INO80: variants seen among roughly 807,000 people sequenced by gnomAD.
INO80 encodes the protein chromatin-remodeling ATPase INO80.
A neutral mutation model predicts 203.4 loss-of-function variants in INO80; 20 were observed. The observed-to-expected ratio is 0.10, with a 90% CI of 0.07 to 0.14. The LOEUF (loss-of-function observed/expected upper bound fraction) is 0.14, where lower values mean the gene tolerates loss of function less well. Ranked by LOEUF, INO80 falls within the 10% of genes least tolerant of loss-of-function variation. The probability of loss-of-function intolerance (pLI) is 1.00; values close to 1 mark genes in which losing one functional copy is unlikely to be tolerated. For synonymous variants in INO80, 726 were observed against 685.2 expected, an observed-to-expected ratio of 1.06 and a Z score of -0.93; for missense variants, 1,419 against 1,914.4, an observed-to-expected ratio of 0.74 and a Z score of 4.83.
intron 1 of INO80, among the ~76,000 whole-genome samples, chr15:41,106,679 T>C (rs1445267466): frequency 6.6e-6 from 1 of 152,198 alleles, no homozygotes; most frequent in Non-Finnish European, 1.5e-5. Flanking sequence ...TCCTAGGTGT[T>C]GTTTCTTTCA....
At chr15:41,044,851 G>A in intron 24 of INO80, 53 bp downstream of exon 24, 2 of 1,506,206 alleles carry the variant, frequency 1.3e-6, no homozygotes, top group South Asian at 2.7e-5. Flanking sequence ...ACTTATTCAA[G>A]GAAAAGGAAA....
chr15:41,083,536 T>C (rs1321555885), intron 7 of INO80, among the ~76,000 whole-genome samples: 2 of 151,494 alleles, frequency 1.3e-5, no homozygotes, highest in Admixed American at 6.6e-5. Flanking sequence ...CGAAACCTCG[T>C]CTCTTCCAAA....
rs924052158 is a variant in INO80 at position 41,016,136 on chromosome 15, A to G, written c.3354T>C (p.His1118=). ...VLLTRLKSQG[H]RVLIYSQMTR... ...TCATCTGGGAGTAGATAAGGACCCT[A>G]TGCCCTTGAGACTTGAGCCGAGTCA... The change falls in exon 27 of 36, where the codon CAT becomes CAC. Residue 1118 remains histidine, a synonymous_variant. Transcript: ENST00000648947. The G allele has an allele frequency of 1.2e-6, 2 of 1,613,190 alleles. No individual in the cohort carries two copies. The highest frequency in any genetic ancestry group is 2.2e-5 in the East Asian group (1 of 44,888).
At position 41,096,297 on chromosome 15, in the gene INO80, A is replaced by C; in HGVS notation, c.14T>G (p.Leu5Trp). The change falls in exon 2 of 36, where the codon TTG (leucine) becomes TGG (tryptophan). Residue 5 changes from leucine (L) to tryptophan (W), a missense_variant. Coordinates refer to ENST00000648947, the MANE Select transcript of INO80 (RefSeq NM_017553.3). MASE[L>W]GARDDGGCTE... ...GCAGCCTCCATCATCCCTGGCACCC[A>C]ACTCCGAGGCCATAGAACAAATCTG... 6.3e-7 allele frequency: 1 copy of C among 1,597,308 alleles called. No individual in the cohort carries two copies. The highest frequency in any genetic ancestry group is 8.5e-7 in the Non-Finnish European group (1 of 1,175,544).
chr15:41,080,861 T>A (rs947713135), intron 8 of INO80, among the ~76,000 whole-genome samples, 159 bp downstream of exon 8: 3 of 151,914 alleles, frequency 2.0e-5, no homozygotes, highest in Admixed American at 2.0e-4. Flanking sequence ...AAAATAAAAA[T>A]AAAAAATAAA....
intron 29 of INO80, 83 bp from the exon 30 acceptor site, chr15:40,988,057 C>T: frequency 9.2e-6 from 11 of 1,192,724 alleles, no homozygotes; most frequent in South Asian, 5.9e-5. Context: ...TGTCTGTTTG[C>T]GAGTTTGGCG....
At chr15:41,061,250 A>G (rs908851219) in intron 14 of INO80, among the ~76,000 whole-genome samples, 4 of 152,114 alleles carry the variant, frequency 2.6e-5, no homozygotes, top group Non-Finnish European at 4.4e-5. Context: ...CAGTGAGCCA[A>G]GATTGTGCCA....
rs79155864 is a variant in INO80 at position 41,087,627 on chromosome 15, T to C, written c.593A>G (p.Tyr198Cys). The change falls in exon 6 of 36, where the codon TAT (tyrosine) becomes TGT (cysteine). Residue 198 changes from tyrosine to cysteine, a missense_variant. Tyr to Cys is a radical substitution (Grantham distance 194, BLOSUM62 -2). This residue lies in a region of INO80 where 323 missense variants were observed against 325.4 expected (regional missense o/e 0.99). Coordinates refer to ENST00000648947, the MANE Select transcript of INO80 (RefSeq NM_017553.3). ...AGLLSTYDPFYEQQRHLLGPK... is the reference protein window; with the variant it reads ...AGLLSTYDPFCEQQRHLLGPK... ...TCCAAGTAGGTGCCGTTGTTGCTCA[T>C]AGAAAGGGTCATATGTGGAGAGCAG... is the stretch of plus-strand genomic sequence containing the variant. The C allele has an allele frequency of 3.1e-6, 5 of 1,613,902 alleles. No homozygotes were observed. Among genetic ancestry groups the C allele is most frequent in the East Asian group, 4.5e-5 (2 of 44,884 alleles).
At position 40,983,769 on chromosome 15, in the gene INO80, G is replaced by A. The variant is rs146335399; in HGVS notation, c.4230C>T (p.Thr1410=). The part of the protein sequence containing the change: ...PASITGSVSD[T]VNGISIQEMP... Reference sequence around the variant, plus strand: ...CAAGACAGCAGCAATTACCATTCACGGTATCTGAGACGGAGCCTGTTATGG... The same window carrying A: ...CAAGACAGCAGCAATTACCATTCACAGTATCTGAGACGGAGCCTGTTATGG... Residue 1410 remains threonine, a synonymous_variant, in exon 34 of 36, where the codon ACC becomes ACT. Transcript: ENST00000648947. 2.2e-4 allele frequency: 357 copies of A among 1,612,258 alleles called. No homozygotes were observed. Among genetic ancestry groups the A allele is most frequent in the South Asian group, 2.0e-3 (183 of 90,980 alleles).
intron 14 of INO80, among the ~76,000 whole-genome samples, chr15:41,065,119 C>T (rs2045186643): frequency 6.6e-6 from 1 of 152,034 alleles, no homozygotes; most frequent in Non-Finnish European, 1.5e-5. Context: ...AAAGTAAAAA[C>T]TATTCTTAGT....
chr15:41,101,471 T>C (rs751701009), intron 1 of INO80, among the ~76,000 whole-genome samples: 4 of 152,200 alleles, frequency 2.6e-5, no homozygotes, highest in Non-Finnish European at 4.4e-5. Flanking sequence ...TCCATCCTCT[T>C]TTATTTCACC....
chr15:41,045,934 A>G (rs2044750666), intron 23 of INO80, among the ~76,000 whole-genome samples: 1 of 151,542 alleles, frequency 6.6e-6, no homozygotes, highest in Non-Finnish European at 1.5e-5. Flanking sequence ...TATTAAGGAG[A>G]TAACCATTTC....
At position 41,092,840 on chromosome 15, in the gene INO80, T is replaced by C. The variant is rs560251893; in HGVS notation, c.382-658A>G. Among the ~76,000 whole-genome samples the C allele has an allele frequency of 2.7e-3, 409 of 152,262 alleles. 3 individuals are homozygous for C. Among genetic ancestry groups the C allele is most frequent in the South Asian group, 0.013 (62 of 4,824 alleles). ...GGCAGGCCCAGGCATGAGGATTGCT[T>C]GAGGCCGGGAGTTCGAGACTAGCTT... On this transcript the variant is annotated intron_variant, in intron 4 of 35. Transcript: ENST00000648947.
At chr15:41,059,025 C>T (rs879107092) in intron 15 of INO80, among the ~76,000 whole-genome samples, 1 of 152,090 alleles carries the variant, frequency 6.6e-6, no homozygotes, top group African/African-American at 2.4e-5. Context: ...GAACATGGCT[C>T]ACTGCAAACA....
chr15:41,036,171 A>AG (rs1397449336), intron 24 of INO80, among the ~76,000 whole-genome samples: 2 of 149,860 alleles, frequency 1.3e-5, no homozygotes, highest in African/African-American at 2.4e-5. Flanking sequence ...AAAAAAAAAA[A>AG]AAAAAAAAAA....
At chr15:41,096,580 T>A (rs1422351157) in intron 1 of INO80, among the ~76,000 whole-genome samples, 4 of 152,228 alleles carry the variant, frequency 2.6e-5, no homozygotes, top group Non-Finnish European at 5.9e-5. Context: ...GCAACACAGT[T>A]ACATTTCACA....
chr15:41,043,768 A>T (rs556414666), intron 24 of INO80, among the ~76,000 whole-genome samples: 1 of 152,292 alleles, frequency 6.6e-6, no homozygotes, highest in Admixed American at 6.5e-5. Context: ...TTTCACTCAG[A>T]ATAAATTCCA....
chr15:41,044,043 C>T (rs2140516606), intron 24 of INO80, among the ~76,000 whole-genome samples: 1 of 152,310 alleles, frequency 6.6e-6, no homozygotes, highest in Middle Eastern at 3.4e-3. Flanking sequence ...AACAGACTGC[C>T]ATTCCCAGGT....
At chr15:41,056,479 C>T (rs149527529) in intron 17 of INO80, 143 bp downstream of exon 17, 60 of 634,124 alleles carry the variant, frequency 9.5e-5, no homozygotes, top group African/African-American at 8.9e-4. Flanking sequence ...GCCTAAAAGA[C>T]GACTTGGGGC....
Sources: allele counts gnomAD v4.1 joint callset (sites outside exome capture counted in the v4.1 genomes callset), GRCh38; gene constraint gnomAD v4.1.1; regional missense constraint gnomAD v4.1.1; transcripts MANE v1.5; gene names NCBI Gene and HGNC (gene_info 2026-07-23, HGNC 2026-07-21).